GLCE: variants seen among roughly 807,000 people sequenced by gnomAD.
GLCE encodes the protein glucuronic acid epimerase.
GLCE carries 19 observed loss-of-function variants against 47.9 expected under a neutral mutation model. That is an observed-to-expected ratio of 0.40 (90% CI 0.28 to 0.58). The LOEUF (loss-of-function observed/expected upper bound fraction) is 0.58, where lower values mean the gene tolerates loss of function less well. GLCE is among the 20% of genes least tolerant of loss of function. GLCE has a pLI of 0.48. For synonymous variants in GLCE, 245 were observed against 263.4 expected (o/e 0.93, Z 0.68); for missense variants, 556 against 743.3 (o/e 0.75, Z 2.93).
At chr15:69,190,968 A>G (rs1053939113) in intron 1 of GLCE, among the ~76,000 whole-genome samples, 28 of 152,092 alleles carry the variant, frequency 1.8e-4, no homozygotes, top group African/African-American at 4.6e-4. Flanking sequence ...ATTACATTCT[A>G]TATCTTTAAC....
rs869212730 is a variant in GLCE, at chr15:69,235,093, CTTTTTTTTTTTT to C, written c.-13-20680_-13-20669del. 1.6e-4 allele frequency among the ~76,000 whole-genome samples: 10 copies of C among 62,880 alleles called. 1 individual carries two copies. The highest frequency in any genetic ancestry group is 3.7e-4 in the African/African-American group (5 of 13,346). 41.3% of individuals were successfully genotyped at this position (62,880 alleles called of 152,430 possible). A position where few individuals can be genotyped will look rare whatever the true frequency, so the allele number is the denominator to read the frequency against. ...CTGATACAGATAGATGAAGATTATTCTTTTTTTTTTTTTTTTTTTTTTTTTTTTTTTTGAGAT... is the reference window on the plus strand; with the variant it reads ...CTGATACAGATAGATGAAGATTATTCTTTTTTTTTTTTTTTTTTTTGAGAT... On this transcript the variant is annotated intron_variant, in intron 2 of 4. Transcript: ENST00000261858.
chr15:69,227,294 T>A (rs1313174816), intron 2 of GLCE, among the ~76,000 whole-genome samples: 3 of 152,096 alleles, frequency 2.0e-5, no homozygotes, highest in African/African-American at 7.2e-5. Context: ...AGAAAGGGTA[T>A]CCAGATAATC....
At chr15:69,248,500 T>G (rs190220954) in intron 2 of GLCE, among the ~76,000 whole-genome samples, 1 of 152,294 alleles carries the variant, frequency 6.6e-6, no homozygotes, top group East Asian at 1.9e-4. Flanking sequence ...TTTTTAATTA[T>G]ATAGGCCAAG....
At chr15:69,180,434 A>G (rs547455438) in intron 1 of GLCE, among the ~76,000 whole-genome samples, 35 of 152,336 alleles carry the variant, frequency 2.3e-4, no homozygotes, top group African/African-American at 8.4e-4. Context: ...GAAGATAAGT[A>G]GTAAAGAGGA....
intron 2 of GLCE, among the ~76,000 whole-genome samples, chr15:69,225,328 C>T (rs1217810669): frequency 6.6e-6 from 1 of 152,116 alleles, no homozygotes; most frequent in Non-Finnish European, 1.5e-5. Flanking sequence ...TCCCTGTCCT[C>T]TTAGTCTTCA....
chr15:69,252,274 T>G (rs1251491706), intron 2 of GLCE, among the ~76,000 whole-genome samples: 1 of 152,104 alleles, frequency 6.6e-6, no homozygotes, highest in African/African-American at 2.4e-5. Flanking sequence ...AAAAAGAGGC[T>G]TAAAATTGGC....
At position 69,214,464 on chromosome 15, in the gene GLCE, T is replaced by C. The variant is rs543360964; in HGVS notation, c.-14+4058T>C. Among the ~76,000 whole-genome samples, 6 of 152,230 alleles carry C rather than the reference T, an allele frequency of 3.9e-5. No homozygotes were observed. The South Asian group carries it at 1.0e-3, about 26-fold the overall frequency. ...ACACTTGCCCTCTTGCCTGCTGCCA[T>C]GTAAGACATTCCCTTCTGCCATGAT... is the stretch of plus-strand genomic sequence containing the variant. On this transcript the variant is annotated intron_variant, in intron 2 of 4. Transcript: ENST00000261858.
intron 1 of GLCE, among the ~76,000 whole-genome samples, chr15:69,168,690 T>G (rs773028533): frequency 3.6e-4 from 54 of 152,100 alleles, no homozygotes; most frequent in Non-Finnish European, 7.5e-4. Flanking sequence ...GTGCCACCAC[T>G]CCCGGCTAAT....
intron 2 of GLCE, among the ~76,000 whole-genome samples, chr15:69,213,311 C>T (rs58580714): frequency 0.028 from 4,273 of 152,110 alleles, 201 homozygotes; most frequent in African/African-American, 0.098. Context: ...TCCCATATTA[C>T]ATTTAGTTGT....
chr15:69,239,053 CCTCCCAGGGTCTGTTTT>C (rs1281185420), intron 2 of GLCE, among the ~76,000 whole-genome samples: 1 of 152,122 alleles, frequency 6.6e-6, no homozygotes, highest in African/African-American at 2.4e-5. Flanking sequence ...CTGTGGGTTT[CCTCCCAGGGTCTGTTTT>C]CTCCTTAATA....
At chr15:69,239,197 A>ACGT (rs1555406532) in intron 2 of GLCE, among the ~76,000 whole-genome samples, 2 of 151,622 alleles carry the variant, frequency 1.3e-5, no homozygotes, top group East Asian at 3.9e-4. Flanking sequence ...AATGTTGGAA[A>ACGT]TGTGTGAAGC....
intron 2 of GLCE, among the ~76,000 whole-genome samples, chr15:69,244,535 G>T (rs183023083): frequency 2.6e-5 from 4 of 152,258 alleles, no homozygotes; most frequent in Non-Finnish European, 5.9e-5. Context: ...GGGAAGGGGA[G>T]TATTCAGCTT....
intron 2 of GLCE, among the ~76,000 whole-genome samples, chr15:69,248,654 C>T (rs2052790238): frequency 6.6e-6 from 1 of 151,560 alleles, no homozygotes; most frequent in Non-Finnish European, 1.5e-5. Flanking sequence ...TTTTTTGCCC[C>T]CTCACTCTGT....
intron 1 of GLCE, among the ~76,000 whole-genome samples, chr15:69,182,993 T>A (rs887483570): frequency 6.6e-6 from 1 of 152,124 alleles, no homozygotes; most frequent in Admixed American, 6.5e-5. Flanking sequence ...GGTGAGACCC[T>A]GTCTCAGAAC....
chr15:69,233,631 A>AT, intron 2 of GLCE, among the ~76,000 whole-genome samples: 1 of 152,320 alleles, frequency 6.6e-6, no homozygotes, highest in East Asian at 1.9e-4. Context: ...AACAGTCTCT[A>AT]TCCTTATTAC....
intron 1 of GLCE, among the ~76,000 whole-genome samples, chr15:69,170,203 G>A (rs2051569445): frequency 1.3e-5 from 2 of 152,022 alleles, no homozygotes; most frequent in Admixed American, 6.5e-5. Context: ...TACTTAATTT[G>A]TATTTCTTTG....
At chr15:69,174,850 A>C (rs1164914139) in intron 1 of GLCE, among the ~76,000 whole-genome samples, 1 of 152,034 alleles carries the variant, frequency 6.6e-6, no homozygotes, top group African/African-American at 2.4e-5. Flanking sequence ...ACCCTGATCC[A>C]TTTTTTTAAA....
intron 4 of GLCE, among the ~76,000 whole-genome samples, chr15:69,264,036 T>C (rs2053049977): frequency 6.6e-6 from 1 of 152,166 alleles, no homozygotes; most frequent in Admixed American, 6.5e-5. Context: ...ATTTAAGAGA[T>C]ATTTTAGCAC....
chr15:69,266,520 C>T (rs373984924), intron 4 of GLCE, among the ~76,000 whole-genome samples: 23 of 152,220 alleles, frequency 1.5e-4, no homozygotes, highest in East Asian at 5.8e-4. Context: ...GTTAGGGTCT[C>T]GCTTTCTTGC....
Sources: allele counts gnomAD v4.1 joint callset (sites outside exome capture counted in the v4.1 genomes callset), GRCh38; gene constraint gnomAD v4.1.1; transcripts MANE v1.5; gene names NCBI Gene and HGNC (gene_info 2026-07-23, HGNC 2026-07-21).